The following CREB5 variants were observed in gnomAD, a reference collection of about 807,000 sequenced individuals.
CREB5 encodes cyclic AMP-responsive element-binding protein 5.
In CREB5, 19 loss-of-function variants were observed where a neutral mutation model predicts 57.1. The ratio of observed to expected loss-of-function variants is 0.33; its 90% CI spans 0.23 to 0.49. The LOEUF (loss-of-function observed/expected upper bound fraction) is 0.49, where lower values mean the gene tolerates loss of function less well. Among genes scored for constraint, CREB5 ranks in the 20% least tolerant of loss-of-function variants. The pLI is 0.99. For missense variants in CREB5, 579 were observed against 671.6 expected (o/e 0.86, Z 1.52); for synonymous variants, 238 against 238.3 (o/e 1.00, Z 0.01).
intron 7 of CREB5, among the ~76,000 whole-genome samples, chr7:28,761,647 T>A (rs954581398): frequency 2.0e-5 from 3 of 152,038 alleles, no homozygotes; most frequent in Admixed American, 2.0e-4. Context: ...CTGGAGCAAG[T>A]CATATAGCTA....
Position 28,497,115 on chromosome 7 carries a change from G to A in CREB5, c.169+2116G>A, listed in dbSNP as rs181126336. On this transcript the variant is annotated intron_variant, in intron 3 of 10. Coordinates refer to ENST00000357727, the MANE Select transcript of CREB5 (RefSeq NM_182898.4). ...TAAGCTGCCTGGTGGTAAAGGAGTG[G>A]GAGGTGAGTTTAGGGAATGATGATT... 1.8e-3 allele frequency among the ~76,000 whole-genome samples: 276 copies of A among 152,256 alleles called. 1 individual carries two copies. Among genetic ancestry groups the A allele is most frequent in the African/African-American group, 6.3e-3 (262 of 41,516 alleles).
chr7:28,722,198 G>A (rs779211281), intron 6 of CREB5, among the ~76,000 whole-genome samples: 1 of 152,214 alleles, frequency 6.6e-6, no homozygotes, highest in African/African-American at 2.4e-5. Context: ...CAAAAAGTGG[G>A]AAGCGTTGCT....
chr7:28,431,793 C>A (rs911317975), intron 1 of CREB5, among the ~76,000 whole-genome samples: 1 of 151,870 alleles, frequency 6.6e-6, no homozygotes, highest in Admixed American at 6.6e-5. Flanking sequence ...TGAGCTGTGC[C>A]ATGGTTTAGA....
intron 5 of CREB5, among the ~76,000 whole-genome samples, chr7:28,684,310 T>C (rs1245434104): frequency 6.6e-6 from 1 of 152,216 alleles, no homozygotes; most frequent in Admixed American, 6.5e-5. Flanking sequence ...GCTGTAATTA[T>C]GGCTGATCAC....
At chr7:28,560,855 T>TGCGTGCGTGCGCGTGCGTGCGC (rs1554344299) in intron 4 of CREB5, among the ~76,000 whole-genome samples, 2 of 56,388 alleles carry the variant, frequency 3.5e-5, no homozygotes, top group African/African-American at 1.4e-4. Flanking sequence ...CGCGTGTGTG[T>TGCGTGCGTGCGCGTGCGTGCGC]GTGCGTGTGC....
intron 7 of CREB5, among the ~76,000 whole-genome samples, chr7:28,772,103 G>C (rs1351813203): frequency 6.6e-6 from 1 of 152,146 alleles, no homozygotes; most frequent in Non-Finnish European, 1.5e-5. Flanking sequence ...GACGTTAAGG[G>C]ACATGGGATA....
chr7:28,570,623 T>C lies in CREB5; in HGVS notation c.464+86T>C. On this transcript the variant is annotated intron_variant, in intron 5 of 10. Transcript: ENST00000357727. ...TTCCTCCTGGTTTCTGGTGCTCAGA[T>C]TGGTTGGTTTTTCTGGCTGTCATGA... is the stretch of plus-strand genomic sequence containing the variant. 3 of 1,483,222 alleles carry C rather than the reference T, an allele frequency of 2.0e-6. No individual in the cohort carries two copies. In the Admixed American group the frequency reaches 6.2e-5, roughly 31 times the overall value. The allele number at this position is 1,483,222 out of a possible 1,614,324, so 91.9% of individuals were successfully genotyped here.
At chr7:28,657,064 G>A (rs1003219187) in intron 5 of CREB5, among the ~76,000 whole-genome samples, 6 of 152,086 alleles carry the variant, frequency 3.9e-5, no homozygotes, top group Admixed American at 6.5e-5. Flanking sequence ...TTTCCATGCA[G>A]CCAGGATCCC....
At position 28,551,846 on chromosome 7, in the gene CREB5, TCTTTCTTTC is replaced by T. The variant is rs1329558768; in HGVS notation, c.292-18518_292-18510del. Among the ~76,000 whole-genome samples the T allele has an allele frequency of 2.0e-3, 303 of 150,244 alleles. 7 individuals are homozygous for T. In the East Asian group the frequency reaches 0.048, roughly 24 times the overall value. ...TTTTCTTTCTTTCTTTCTTTCTTTT[TCTTTCTTTC>T]TTTTCTTTCTTTCTTTTTCTTTCTT... On this transcript the variant is annotated intron_variant, in intron 4 of 10. Transcript: ENST00000357727.
chr7:28,376,760 G>A (rs1203615521), intron 1 of CREB5, among the ~76,000 whole-genome samples: 4 of 152,168 alleles, frequency 2.6e-5, no homozygotes, highest in Admixed American at 6.5e-5. Flanking sequence ...CAGAGCCTGA[G>A]CCAATAATAT....
chr7:28,457,065 A>C (rs1420871511), intron 1 of CREB5, among the ~76,000 whole-genome samples: 2 of 152,212 alleles, frequency 1.3e-5, no homozygotes, highest in Non-Finnish European at 2.9e-5. Context: ...AGTGAGAGAG[A>C]GTGAGAACAC....
chr7:28,800,687 A>G (rs1027933794), intron 7 of CREB5, among the ~76,000 whole-genome samples: 1 of 151,514 alleles, frequency 6.6e-6, no homozygotes, highest in Non-Finnish European at 1.5e-5. Context: ...TTTACCATCC[A>G]CTCTCCCTTC....
chr7:28,617,324 G>C (rs571913900), intron 5 of CREB5, among the ~76,000 whole-genome samples: 2 of 152,102 alleles, frequency 1.3e-5, no homozygotes, highest in African/African-American at 2.4e-5. Context: ...TTTTTTACCC[G>C]TGCAACTGAT....
At chr7:28,438,482 AG>A (rs929704591) in intron 1 of CREB5, among the ~76,000 whole-genome samples, 3 of 152,096 alleles carry the variant, frequency 2.0e-5, no homozygotes, top group Non-Finnish European at 4.4e-5. Context: ...CTACCTGATA[AG>A]TATTGATTAA....
intron 7 of CREB5, among the ~76,000 whole-genome samples, chr7:28,752,677 G>C (rs1025951444): frequency 5.3e-5 from 8 of 152,208 alleles, no homozygotes; most frequent in South Asian, 2.1e-4. Context: ...ATTTAACATA[G>C]GGCCTGTCTA....
Position 28,641,583 on chromosome 7 carries a change from G to A in CREB5, c.464+71046G>A, listed in dbSNP as rs188308798. On this transcript the variant is annotated intron_variant, in intron 5 of 10. Coordinates refer to ENST00000357727, the MANE Select transcript of CREB5 (RefSeq NM_182898.4). ...ATGGCAGATGTGGAGGCCTGCAGGC[G>A]GTGTTTGCTTCAGGGAAAAAACAAA... 1.8e-4 allele frequency among the ~76,000 whole-genome samples: 27 copies of A among 152,162 alleles called. 1 individual carries two copies. In the East Asian group the frequency reaches 4.8e-3, roughly 27 times the overall value.
intron 5 of CREB5, among the ~76,000 whole-genome samples, chr7:28,597,269 A>G (rs1248838478): frequency 6.6e-6 from 1 of 152,202 alleles, no homozygotes; most frequent in East Asian, 1.9e-4. Flanking sequence ...CTGATGAGGC[A>G]TAGCCATTTA....
chr7:28,673,657 CTTTTTTTTTTTTTTTTT>C (rs549391329), intron 5 of CREB5, among the ~76,000 whole-genome samples: 2 of 55,728 alleles, frequency 3.6e-5, no homozygotes, highest in Admixed American at 2.8e-4. Flanking sequence ...CTCTCTCTCT[CTTTTTTTTTTTTTTTTT>C]TTTTTTTTTT....
chr7:28,493,780 C>T (rs1328531740), intron 2 of CREB5, among the ~76,000 whole-genome samples: 2 of 152,058 alleles, frequency 1.3e-5, no homozygotes, highest in Non-Finnish European at 2.9e-5. Flanking sequence ...TTTTTGATAA[C>T]CATAATATCA....
Sources: gnomAD v4.1 joint callset for allele counts (sites outside exome capture counted in the v4.1 genomes callset) on GRCh38, gnomAD v4.1.1 for gene constraint, MANE v1.5 for transcripts, NCBI Gene and HGNC (gene_info 2026-07-23, HGNC 2026-07-21) for gene names.